MICAL2: variants seen among roughly 807,000 people sequenced by gnomAD.
The protein encoded by MICAL2 is [F-actin]-monooxygenase MICAL2.
Under a neutral mutation model 127.3 loss-of-function variants are expected in MICAL2, and 77 were observed. The observed-to-expected ratio is 0.60, with a 90% CI of 0.50 to 0.73. The LOEUF (loss-of-function observed/expected upper bound fraction) is 0.73, where lower values mean the gene tolerates loss of function less well. Among genes scored for constraint, MICAL2 ranks in the 30% least tolerant of loss-of-function variants. MICAL2 has a pLI of 0.00. For synonymous variants in MICAL2, 570 were observed against 551.1 expected (o/e 1.03, Z -0.48); for missense variants, 1,351 against 1,434.4 (o/e 0.94, Z 0.94).
intron 2 of MICAL2, among the ~76,000 whole-genome samples, chr11:12,148,026 G>T (rs984965846): frequency 6.6e-6 from 1 of 152,110 alleles, no homozygotes; most frequent in African/African-American, 2.4e-5. Context: ...TTCTGAACCT[G>T]AATGCTCCAG....
At chr11:12,264,878 G>A (rs1049877662), downstream of MICAL2, among the ~76,000 whole-genome samples, 4 of 152,256 alleles carry the variant, frequency 2.6e-5, no homozygotes, top group Admixed American at 1.3e-4. Flanking sequence ...GGAACCATGC[G>A]AAGTCCCCAC....
intron 1 of MICAL2, among the ~76,000 whole-genome samples, chr11:12,130,192 G>A (rs1851300555): frequency 6.6e-6 from 1 of 152,330 alleles, no homozygotes; most frequent in East Asian, 1.9e-4. Context: ...GGTGGGGAGT[G>A]GGAGACAATG....
chr11:12,268,529 T>C (rs1002653112), downstream of MICAL2, among the ~76,000 whole-genome samples: 1 of 152,182 alleles, frequency 6.6e-6, no homozygotes, highest in African/African-American at 2.4e-5. Context: ...CCACCCACCA[T>C]AACCTGGGCT....
chr11:12,345,519 C>G (rs965663875), intron 32 of MICAL2, among the ~76,000 whole-genome samples: 3 of 152,204 alleles, frequency 2.0e-5, no homozygotes, highest in Non-Finnish European at 2.9e-5. Context: ...GCCCATTTAT[C>G]AGTTCTGCAG....
At position 12,152,562 on chromosome 11, in the gene MICAL2, C is replaced by G. The variant is rs1248298480; in HGVS notation, c.-77-9517C>G. Among the ~76,000 whole-genome samples, 6 of 152,170 alleles carry G rather than the reference C, an allele frequency of 3.9e-5. No homozygotes were observed. The East Asian group carries it at 1.2e-3, about 29-fold the overall frequency. On this transcript the variant is annotated intron_variant, in intron 2 of 27. Coordinates refer to ENST00000683283, the MANE Select transcript of MICAL2 (RefSeq NM_001282663.2). ...TAAGACCAGGGAACTGGTGCCCAAC[C>G]TTCCCTGGGGTGTTGAAGAATATTT... is the stretch of plus-strand genomic sequence containing the variant.
At chr11:12,148,048 A>C (rs1414113926) in intron 2 of MICAL2, among the ~76,000 whole-genome samples, 11 of 152,138 alleles carry the variant, frequency 7.2e-5, no homozygotes. Flanking sequence ...CCATCCCTTA[A>C]GATCCCGCCC....
intron 29 of MICAL2, among the ~76,000 whole-genome samples, chr11:12,307,253 A>G (rs910412014): frequency 5.3e-5 from 8 of 152,200 alleles, no homozygotes; most frequent in African/African-American, 1.9e-4. Context: ...TTGGTAAAGT[A>G]GCTTTCAAAT....
At chr11:12,209,431 CG>C (rs565441088) in intron 5 of MICAL2, 65 bp from the exon 6 acceptor site, 25 of 1,270,222 alleles carry the variant, frequency 2.0e-5, no homozygotes, top group Non-Finnish European at 2.8e-5. Flanking sequence ...AGCCACCACA[CG>C]GGGGGTATAA....
chr11:12,273,968 G>A (rs912835461), upstream of MICAL2, among the ~76,000 whole-genome samples: 1 of 152,128 alleles, frequency 6.6e-6, no homozygotes, highest in Admixed American at 6.5e-5. Context: ...AGAGAGAGAA[G>A]AGTGTAGCCA....
At chr11:12,264,374 T>C (rs546185446), downstream of MICAL2, among the ~76,000 whole-genome samples, 1 of 152,258 alleles carries the variant, frequency 6.6e-6, no homozygotes, top group South Asian at 2.1e-4. Flanking sequence ...ATTCAGTATC[T>C]ATGGTGTGAG....
intron 21 of MICAL2, among the ~76,000 whole-genome samples, chr11:12,247,107 C>T (rs1860862237): frequency 6.6e-6 from 1 of 152,154 alleles, no homozygotes. Context: ...AGGGAGGAGA[C>T]TGGAGCCCAG....
At chr11:12,340,261 C>T (rs548602940) in intron 32 of MICAL2, among the ~76,000 whole-genome samples, 31 of 152,290 alleles carry the variant, frequency 2.0e-4, no homozygotes, top group African/African-American at 7.0e-4. Flanking sequence ...ATATTCTCTT[C>T]ACAGAAGAAT....
chr11:12,113,182 T>C lies in MICAL2; in HGVS notation c.-149+2456T>C, dbSNP rs11022181. ...AGATGTTTCATTCTTTACATCATTCTATTGTTTCATTCTGCCTCTAAAGAA... is the reference window on the plus strand; with the variant it reads ...AGATGTTTCATTCTTTACATCATTCCATTGTTTCATTCTGCCTCTAAAGAA... On this transcript the variant is annotated intron_variant, in intron 1 of 27. Transcript: ENST00000683283. Among the ~76,000 whole-genome samples, 650 of 152,358 alleles carry C rather than the reference T, an allele frequency of 4.3e-3. 5 individuals are homozygous for C. The highest frequency in any genetic ancestry group is 0.015 in the African/African-American group (621 of 41,576).
chr11:12,349,748 C>T, intron 32 of MICAL2: 2 of 1,288,492 alleles, frequency 1.6e-6, no homozygotes, highest in Non-Finnish European at 2.2e-6. Context: ...CTTGTCACTA[C>T]AAACATAACC....
At position 12,319,615 on chromosome 11, in the gene MICAL2, G is replaced by T. The variant is rs565109508; in HGVS notation, c.5213-81G>T. 9.4e-4 allele frequency: 938 copies of T among 1,000,092 alleles called. 2 individuals carry two copies. Among genetic ancestry groups the T allele is most frequent in the Non-Finnish European group, 1.4e-3 (859 of 631,588 alleles). The allele number at this position is 1,000,092 out of a possible 1,614,324, so 62.0% of individuals were successfully genotyped here. On this transcript the variant is annotated intron_variant, in intron 29 of 34. Transcript: ENST00000646065. ...GGAGGAAGGGAATGAGAGTAAGTGG[G>T]GGAGGAGGAAGCAGCAGCTTTGGTT... is the stretch of plus-strand genomic sequence containing the variant.
chr11:12,251,396 G>A (rs564783127), intron 22 of MICAL2, among the ~76,000 whole-genome samples: 3 of 151,938 alleles, frequency 2.0e-5, no homozygotes, highest in African/African-American at 4.8e-5. Context: ...GGCCTTTGGG[G>A]TTGGCTTCAA....
intron 3 of MICAL2, among the ~76,000 whole-genome samples, chr11:12,173,888 A>G (rs1856555149): frequency 6.6e-6 from 1 of 152,080 alleles, no homozygotes; most frequent in African/African-American, 2.4e-5. Context: ...TTCTTTTTCA[A>G]TCTTAAAAAT....
chr11:12,173,973 C>T (rs764463522), intron 3 of MICAL2, among the ~76,000 whole-genome samples: 2 of 152,064 alleles, frequency 1.3e-5, no homozygotes, highest in East Asian at 1.9e-4. Flanking sequence ...AGCTATTTTA[C>T]ATTTTTTCGT....
chr11:12,234,751 A>G (rs1493955), intron 15 of MICAL2, among the ~76,000 whole-genome samples: 132,330 of 152,174 alleles, frequency 0.87, 57,628 homozygotes, highest in Middle Eastern at 0.94. Context: ...GAGGATGCAG[A>G]TGCTTTCCGT....
Sources: gnomAD v4.1 joint callset for allele counts (sites outside exome capture counted in the v4.1 genomes callset) on GRCh38, gnomAD v4.1.1 for gene constraint, MANE v1.5 for transcripts, NCBI Gene and HGNC (gene_info 2026-07-23, HGNC 2026-07-21) for gene names.